EPB41L4A: variants seen among roughly 807,000 people sequenced by gnomAD.
The protein encoded by EPB41L4A is erythrocyte membrane protein band 4.1 like 4A, also known as band 4.1-like protein 4A.
In EPB41L4A, 100 loss-of-function variants were observed where a neutral mutation model predicts 108.6. The ratio of observed to expected loss-of-function variants is 0.92; its 90% confidence interval spans 0.78 to 1.09. The LOEUF (loss-of-function observed/expected upper bound fraction) is 1.09. EPB41L4A is among the 50% of genes least tolerant of loss of function. The pLI is 0.00. For synonymous variants in EPB41L4A, 319 were observed against 289.0 expected (o/e 1.10, Z -1.05); for missense variants, 1,030 against 842.7 (o/e 1.22, Z -2.75).
At chr5:112,402,876 AAC>A (rs1288964165) in intron 1 of EPB41L4A, among the ~76,000 whole-genome samples, 1 of 152,198 alleles carries the variant, frequency 6.6e-6, no homozygotes, top group African/African-American at 2.4e-5. Context: ...ATCTTTTGAG[AAC>A]AATATTTAAA....
intron 2 of EPB41L4A, among the ~76,000 whole-genome samples, chr5:112,280,881 C>CT (rs778441797): frequency 2.0e-5 from 3 of 152,184 alleles, no homozygotes; most frequent in Non-Finnish European, 4.4e-5. Context: ...ATGTCTCTTC[C>CT]TAATACGTCC....
chr5:112,284,409 C>T lies in EPB41L4A; in HGVS notation c.205-4086G>A, dbSNP rs185220705. 9.2e-5 allele frequency among the ~76,000 whole-genome samples: 14 copies of T among 152,252 alleles called. No individual in the cohort carries two copies. In the East Asian group the frequency reaches 2.5e-3, roughly 27 times the overall value. Reference sequence around the variant, plus strand: ...GAGAATGGTTTCTCTGAATTGTACCCTGGTGTGCTGCCTCTTGCATAGCCA... The same window carrying T: ...GAGAATGGTTTCTCTGAATTGTACCTTGGTGTGCTGCCTCTTGCATAGCCA... On this transcript the variant is annotated intron_variant, in intron 2 of 22. Transcript: ENST00000261486.
At position 112,204,263 on chromosome 5, in the gene EPB41L4A, T is replaced by C. The variant is rs113330997; in HGVS notation, c.1376+112A>G. 3,361 of 655,564 alleles carry C rather than the reference T, an allele frequency of 5.1e-3. 100 individuals carry two copies. In the South Asian group the frequency reaches 0.055, roughly 11 times the overall value. The allele number at this position is 655,564 out of a possible 1,614,324, so 40.6% of individuals were successfully genotyped here. ...ATGTCAAAAAGAGTAAGCTGCTTGTTATCTTGGAGAGAAACAGTAATGTCG... is the reference window on the plus strand; with the variant it reads ...ATGTCAAAAAGAGTAAGCTGCTTGTCATCTTGGAGAGAAACAGTAATGTCG... On this transcript the variant is annotated intron_variant, in intron 15 of 22. Transcript: ENST00000261486.
intron 20 of EPB41L4A, 71 bp downstream of exon 20, chr5:112,170,230 T>G: frequency 1.4e-6 from 2 of 1,430,762 alleles, no homozygotes; most frequent in East Asian, 2.3e-5. Flanking sequence ...TGGAACACAA[T>G]TGAAGAATTA....
intron 1 of EPB41L4A, among the ~76,000 whole-genome samples, chr5:112,346,972 A>C (rs1195855239): frequency 6.6e-6 from 1 of 152,144 alleles, no homozygotes; most frequent in Non-Finnish European, 1.5e-5. Context: ...AATATTTAGC[A>C]TTTTGACAGT....
intron 2 of EPB41L4A, among the ~76,000 whole-genome samples, chr5:112,287,617 C>T (rs1392841321): frequency 6.6e-6 from 1 of 152,132 alleles, no homozygotes; most frequent in Non-Finnish European, 1.5e-5. Flanking sequence ...ACACAAAATC[C>T]TTCTAATAAC....
At chr5:112,194,443 A>G in intron 17 of EPB41L4A, 125 bp downstream of exon 17, 2 of 567,980 alleles carry the variant, frequency 3.5e-6, no homozygotes, top group Non-Finnish European at 3.0e-6. Context: ...AGTGCTTCAA[A>G]ATAGTGCCAG....
intron 2 of EPB41L4A, among the ~76,000 whole-genome samples, chr5:112,302,345 G>C (rs1754421183): frequency 2.0e-5 from 3 of 151,016 alleles, no homozygotes; most frequent in African/African-American, 7.3e-5. Context: ...ATCTCTAAAA[G>C]AAAAAAAAAT....
chr5:112,411,509 C>G (rs1386088533), intron 1 of EPB41L4A, among the ~76,000 whole-genome samples: 3 of 152,014 alleles, frequency 2.0e-5, no homozygotes, highest in African/African-American at 7.3e-5. Flanking sequence ...TAATAGCTAT[C>G]ATTTATTGAG....
chr5:112,297,779 AGGACTT>A (rs1447888556), intron 2 of EPB41L4A, among the ~76,000 whole-genome samples: 4 of 152,168 alleles, frequency 2.6e-5, no homozygotes, highest in Non-Finnish European at 5.9e-5. Flanking sequence ...TTAATGATTT[AGGACTT>A]AAATCTAAGT....
At chr5:112,362,778 TA>T (rs1758854027) in intron 1 of EPB41L4A, among the ~76,000 whole-genome samples, 3 of 152,186 alleles carry the variant, frequency 2.0e-5, no homozygotes, top group South Asian at 4.1e-4. Flanking sequence ...ACTGACATCC[TA>T]AAGACAAATC....
downstream of EPB41L4A, chr5:112,161,664 G>A (rs1296427990): frequency 1.9e-6 from 1 of 514,924 alleles, no homozygotes; most frequent in Admixed American, 2.0e-5. Flanking sequence ...CTAGCCTTAA[G>A]TGTATGGTTT....
intron 12 of EPB41L4A, among the ~76,000 whole-genome samples, chr5:112,215,053 G>A (rs565859951): frequency 2.0e-5 from 3 of 152,286 alleles, no homozygotes; most frequent in Non-Finnish European, 4.4e-5. Context: ...ACCCATGGTA[G>A]GTACTCAATG....
At chr5:112,419,747 C>T (rs1284784356), upstream of EPB41L4A, 1 of 456,788 alleles carries the variant, frequency 2.2e-6, no homozygotes, top group South Asian at 1.5e-5. Flanking sequence ...GAAAGGGCAG[C>T]AGGCTCCTTA....
intron 12 of EPB41L4A, among the ~76,000 whole-genome samples, chr5:112,215,988 C>CA (rs1434573987): frequency 6.6e-6 from 1 of 152,108 alleles, no homozygotes; most frequent in African/African-American, 2.4e-5. Flanking sequence ...TGCCAGTGTG[C>CA]AAAGCTCCAG....
intron 1 of EPB41L4A, among the ~76,000 whole-genome samples, chr5:112,324,431 T>C (rs1756005907): frequency 6.6e-6 from 1 of 151,944 alleles, no homozygotes; most frequent in African/African-American, 2.4e-5. Flanking sequence ...GTCAACATGG[T>C]AAAACCCTGT....
Position 112,151,865 on chromosome 5 carries a change from G to A in EPB41L4A, n.995-5867C>T, listed in dbSNP as rs141778363. 8.5e-3 allele frequency among the ~76,000 whole-genome samples: 1,286 copies of A among 152,124 alleles called. 18 individuals are homozygous for A. Among genetic ancestry groups the A allele is most frequent in the African/African-American group, 0.029 (1,207 of 41,498 alleles). ...CCCGCCTCAGCCTCCCTAGTAGCTG[G>A]GATTACAGGCACATGCCACCACGCC... On this transcript the variant is annotated intron_variant and non_coding_transcript_variant, in intron 12 of 13. Transcript: ENST00000507810.
intron 1 of EPB41L4A, among the ~76,000 whole-genome samples, chr5:112,354,946 G>T (rs1758276951): frequency 1.3e-5 from 2 of 152,122 alleles, no homozygotes; most frequent in Admixed American, 1.3e-4. Context: ...ACTCTGGAAA[G>T]AAGTATTTTA....
At chr5:112,142,552 T>G (rs1027279807) in exon 14 of EPB41L4A, 1 of 152,196 alleles carries the variant, frequency 6.6e-6, no homozygotes, top group Non-Finnish European at 1.5e-5. Context: ...ACAAAGAACT[T>G]TTTTATAATA....
Sources: gnomAD v4.1 joint callset for allele counts (sites outside exome capture counted in the v4.1 genomes callset) on GRCh38, gnomAD v4.1.1 for gene constraint, MANE v1.5 for transcripts, NCBI Gene and HGNC (gene_info 2026-07-23, HGNC 2026-07-21) for gene names.